Variants in ZBTB11 observed in about 807,000 individuals in gnomAD.
The protein encoded by ZBTB11 is zinc finger and BTB domain-containing protein 11.
In ZBTB11, 68 loss-of-function variants were observed where a neutral mutation model predicts 113.1. The ratio of observed to expected loss-of-function variants is 0.60; its 90% CI spans 0.49 to 0.74. The LOEUF is 0.74. ZBTB11 is among the 30% of genes least tolerant of loss of function. ZBTB11 has a pLI of 0.00. For synonymous variants in ZBTB11, 518 were observed against 452.6 expected (o/e 1.14, Z -1.83); for missense variants, 1,104 against 1,279.4 (o/e 0.86, Z 2.09).
chr3:101,651,297 G>A lies in ZBTB11; in HGVS notation c.3031C>T (p.Leu1011Phe). ...ACTTGCATAATACTTTGGTCAGAAA[G>A]TGTAGATACCGATGGATACTCTTCA... ...ATEEYPSVST[L>F]SDQSIMQVVN... is the part of the protein sequence containing the mutation. Residue 1011 changes from leucine (L) to phenylalanine (F), a missense_variant, in exon 11 of 11, where the codon CTT (leucine) becomes TTT (phenylalanine). Around this residue, in one of 5 missense-constraint regions of ZBTB11, gnomAD observed 90 missense variants for 98.0 expected, o/e 0.92. Transcript: ENST00000312938. The A allele has an allele frequency of 1.2e-6, 2 of 1,614,208 alleles. No homozygotes were observed. Among genetic ancestry groups the A allele is most frequent in the Non-Finnish European group, 1.7e-6 (2 of 1,180,050 alleles).
At chr3:101,672,535 T>C (rs1293623168) in intron 1 of ZBTB11, among the ~76,000 whole-genome samples, 2 of 152,174 alleles carry the variant, frequency 1.3e-5, no homozygotes, top group Non-Finnish European at 2.9e-5. Flanking sequence ...AAACTGCCAA[T>C]ATTCACCTTT....
In ZBTB11 at chr3:101,651,079, A is replaced by C. The variant is rs1252376974; in HGVS notation, c.*87T>G. On this transcript the variant is annotated 3_prime_UTR_variant, in exon 11 of 11. Coordinates refer to ENST00000312938, the MANE Select transcript of ZBTB11 (RefSeq NM_014415.4). Reference sequence around the variant, plus strand: ...CCAGAACTTTGATATGTAAACTCCAAGCAGACAGTCACACAGAATTGTAAA... The same window carrying C: ...CCAGAACTTTGATATGTAAACTCCACGCAGACAGTCACACAGAATTGTAAA... 70 of 1,442,582 alleles carry C rather than the reference A, an allele frequency of 4.9e-5. No individual in the cohort carries two copies. The highest frequency in any genetic ancestry group is 6.4e-5 in the Non-Finnish European group (69 of 1,084,048). The allele number at this position is 1,442,582 out of a possible 1,614,324, so 89.4% of individuals were successfully genotyped here. A position where few individuals can be genotyped will look rare whatever the true frequency, so the allele number is the denominator to read the frequency against.
In ZBTB11 at chr3:101,665,399, CAG is replaced by C. The variant is rs1201630511; in HGVS notation, c.1186_1187del (p.Leu396ValfsTer8). The C allele has an allele frequency of 6.2e-7, 1 of 1,614,212 alleles. No individual in the cohort carries two copies. Among genetic ancestry groups the C allele is most frequent in the Admixed American group, 1.7e-5 (1 of 60,032 alleles). ...AATCAGCTATACATCCTACTGATGACAGGGCAGATTCAGCCTCTGAAGAAACC... is the reference window on the plus strand; with the variant it reads ...AATCAGCTATACATCCTACTGATGACGGCAGATTCAGCCTCTGAAGAAACC... ...PQVSSEAESA[L>X]SSVGCIADSH... On this transcript the variant is annotated frameshift_variant, in exon 4 of 11. Coordinates refer to ENST00000312938, the MANE Select transcript of ZBTB11 (RefSeq NM_014415.4). LOFTEE classifies it high-confidence loss of function.
At chr3:101,657,841 T>TA (rs751422811) in intron 6 of ZBTB11, among the ~76,000 whole-genome samples, 33 of 144,712 alleles carry the variant, frequency 2.3e-4, no homozygotes, top group East Asian at 1.6e-3. Flanking sequence ...TATAAAAACT[T>TA]AAAAAAAAAA....
intron 5 of ZBTB11, chr3:101,662,006 CTA>C (rs912565291): frequency 6.6e-6 from 1 of 151,084 alleles, no homozygotes; most frequent in African/African-American, 2.4e-5. Context: ...CTAAAATACT[CTA>C]GTTATTTTAA....
At position 101,651,532 on chromosome 3, in the gene ZBTB11, A is replaced by ATGT; in HGVS notation, c.2793_2795dup (p.Lys931_His932insGln). 6.2e-7 allele frequency: 1 copy of ATGT among 1,614,168 alleles called. No homozygotes were observed. Among genetic ancestry groups the ATGT allele is most frequent in the Non-Finnish European group, 8.5e-7 (1 of 1,180,032 alleles). ...CATAGTCTCTGTGGAATTTAGTCAT[A>ATGT]TGTTTACGGAGTGTTCGAGCATCTA... On this transcript the variant is annotated inframe_insertion, in exon 11 of 11. Transcript: ENST00000312938.
intron 3 of ZBTB11, among the ~76,000 whole-genome samples, chr3:101,669,888 G>C (rs1937059667): frequency 6.6e-6 from 1 of 151,548 alleles, no homozygotes. Flanking sequence ...GAGTGCAATG[G>C]TGTGATCTCA....
At chr3:101,664,903 T>C in intron 4 of ZBTB11, 61 bp downstream of exon 4, 4 of 1,542,358 alleles carry the variant, frequency 2.6e-6, no homozygotes, top group Non-Finnish European at 1.7e-6. Context: ...CATAAGTTCA[T>C]CAATACAATG....
chr3:101,674,397 G>T (rs1201363777), intron 1 of ZBTB11, among the ~76,000 whole-genome samples: 1 of 152,142 alleles, frequency 6.6e-6, no homozygotes, highest in Non-Finnish European at 1.5e-5. Context: ...ATTTATATGA[G>T]TGTAGATTTA....
intron 5 of ZBTB11, among the ~76,000 whole-genome samples, chr3:101,663,431 T>C (rs1018622593): frequency 1.3e-5 from 2 of 152,222 alleles, no homozygotes; most frequent in Non-Finnish European, 2.9e-5. Context: ...TCTGTTCATA[T>C]TTCAGAATAA....
Position 101,671,780 on chromosome 3 carries a change from T to C in ZBTB11, c.546+198A>G, listed in dbSNP as rs1402623676. ...TAATTAACAACAAACCAACAGGTAA[T>C]TATTAAGTTCATTCTGAAAAAATAA... On this transcript the variant is annotated intron_variant, in intron 2 of 10. Transcript: ENST00000312938. 4.9e-6 allele frequency: 3 copies of C among 607,256 alleles called. No individual in the cohort carries two copies. The African/African-American group carries it at 5.6e-5, about 11-fold the overall frequency. The allele number at this position is 607,256 out of a possible 1,614,324, so 37.6% of individuals were successfully genotyped here. A position where few individuals can be genotyped will look rare whatever the true frequency, so the allele number is the denominator to read the frequency against.
intron 3 of ZBTB11, among the ~76,000 whole-genome samples, chr3:101,668,399 G>T (rs2108325618): frequency 1.3e-5 from 2 of 152,218 alleles, no homozygotes; most frequent in East Asian, 1.9e-4. Flanking sequence ...GCTTTGAGAG[G>T]GTGAGGCAGG....
chr3:101,652,421 G>A, intron 10 of ZBTB11, 75 bp downstream of exon 10: 2 of 1,421,194 alleles, frequency 1.4e-6, no homozygotes, highest in Middle Eastern at 1.9e-4. Flanking sequence ...GAAGGTGAAA[G>A]AGCTGGTAAA....
intron 1 of ZBTB11, among the ~76,000 whole-genome samples, chr3:101,674,029 A>G (rs560200742): frequency 1.5e-5 from 2 of 131,082 alleles, no homozygotes; most frequent in Admixed American, 1.7e-4. Context: ...GGATTCACAG[A>G]GACTGTTTTT....
At chr3:101,657,488 CAG>C (rs1041046798) in intron 6 of ZBTB11, among the ~76,000 whole-genome samples, 1 of 148,218 alleles carries the variant, frequency 6.7e-6, no homozygotes, top group South Asian at 2.1e-4. Context: ...CCTGCGGAAA[CAG>C]AGTGAGACCC....
In ZBTB11 at chr3:101,665,436, G is replaced by C. The variant is rs746633793; in HGVS notation, c.1151C>G (p.Pro384Arg). The C allele has an allele frequency of 6.2e-7, 1 of 1,614,150 alleles. No individual in the cohort carries two copies. Residue 384 changes from proline to arginine, a missense_variant, in exon 4 of 11, where the codon CCT (proline) becomes CGT (arginine). Coordinates refer to ENST00000312938, the MANE Select transcript of ZBTB11 (RefSeq NM_014415.4). ...AGCCTCTGAAGAAACCTGGGGCTCA[G>C]GCTGTCGTCCTACCTCTCCATTCTG... ...AEQNGEVGRQ[P>R]EPQVSSEAES...
chr3:101,654,621 T>C, intron 8 of ZBTB11, 83 bp downstream of exon 8: 3 of 1,178,734 alleles, frequency 2.5e-6, no homozygotes, highest in Non-Finnish European at 2.5e-6. Context: ...AGTTACAGTT[T>C]AATATTATCT....
Position 101,676,311 on chromosome 3 carries a change from G to C in ZBTB11, c.310+294C>G, listed in dbSNP as rs1283870462. Among the ~76,000 whole-genome samples, 5 of 152,346 alleles carry C rather than the reference G, an allele frequency of 3.3e-5. No individual in the cohort carries two copies. In the East Asian group the frequency reaches 9.7e-4, roughly 29 times the overall value. On this transcript the variant is annotated intron_variant, in intron 1 of 10. Coordinates refer to ENST00000312938, the MANE Select transcript of ZBTB11 (RefSeq NM_014415.4). ...CAGCCTCAAGGGGCCGCCCAAGGAG[G>C]CGGACCTGGCGCAGCCCAGGCGTCC...
rs1179270359 is a variant in ZBTB11, at chr3:101,649,576, G to A, written c.*1590C>T. 5 of 152,296 alleles carry A rather than the reference G, an allele frequency of 3.3e-5. No homozygotes were observed. The highest frequency in any genetic ancestry group is 1.2e-4 in the African/African-American group (5 of 41,440). The allele number at this position is 152,296 out of a possible 1,614,324, so 9.4% of individuals were successfully genotyped here. ...AAGACACAATTCCAAATTTTAGTCAGGTTGAAATGTTTTTCCACTAACTGA... is the reference window on the plus strand; with the variant it reads ...AAGACACAATTCCAAATTTTAGTCAAGTTGAAATGTTTTTCCACTAACTGA... On this transcript the variant is annotated 3_prime_UTR_variant, in exon 11 of 11. Coordinates refer to ENST00000312938, the MANE Select transcript of ZBTB11 (RefSeq NM_014415.4).
Sources: allele counts gnomAD v4.1 joint callset (sites outside exome capture counted in the v4.1 genomes callset), GRCh38; gene constraint gnomAD v4.1.1; regional missense constraint gnomAD v4.1.1; transcripts MANE v1.5; gene names NCBI Gene and HGNC (gene_info 2026-07-23, HGNC 2026-07-21).